The following IPCEF1 variants were observed in gnomAD, a reference collection of about 807,000 sequenced individuals.
IPCEF1 encodes the protein interaction protein for cytohesin exchange factors 1.
IPCEF1 carries 31 observed loss-of-function variants against 50.9 expected under a neutral mutation model. The ratio of observed to expected loss-of-function variants is 0.61; its 90% CI spans 0.46 to 0.82. The LOEUF (loss-of-function observed/expected upper bound fraction) is 0.82, where lower values mean the gene tolerates loss of function less well. IPCEF1 is among the 40% of genes least tolerant of loss of function. The probability of loss-of-function intolerance (pLI) is 0.00; values close to 1 mark genes in which losing one functional copy is unlikely to be tolerated. For synonymous variants in IPCEF1, 181 were observed against 192.0 expected, an observed-to-expected ratio of 0.94 and a Z score of 0.47; for missense variants, 458 against 514.0, an observed-to-expected ratio of 0.89 and a Z score of 1.05.
At chr6:154,238,398 G>A (rs1780308463) in intron 5 of IPCEF1, among the ~76,000 whole-genome samples, 1 of 151,986 alleles carries the variant, frequency 6.6e-6, no homozygotes, top group African/African-American at 2.4e-5. Flanking sequence ...TGGAATTACA[G>A]GCATGCACCA....
At chr6:154,313,902 C>A (rs1267991015) in intron 1 of IPCEF1, among the ~76,000 whole-genome samples, 1 of 152,004 alleles carries the variant, frequency 6.6e-6, no homozygotes, top group Non-Finnish European at 1.5e-5. Flanking sequence ...TGCCACCACA[C>A]CTGGCTAATT....
intron 2 of IPCEF1, among the ~76,000 whole-genome samples, chr6:154,271,437 C>T (rs1212376100): frequency 6.6e-6 from 1 of 151,542 alleles, no homozygotes; most frequent in African/African-American, 2.4e-5. Flanking sequence ...GAAAAGAAAA[C>T]AATGTAAAAT....
At chr6:154,253,606 C>CAT (rs1781389812) in intron 3 of IPCEF1, among the ~76,000 whole-genome samples, 1 of 152,296 alleles carries the variant, frequency 6.6e-6, no homozygotes, top group South Asian at 2.1e-4. Flanking sequence ...TTCCATTATT[C>CAT]ATATATGCAG....
At chr6:154,352,262 GT>G (rs1248722810) in intron 1 of IPCEF1, among the ~76,000 whole-genome samples, 1 of 152,216 alleles carries the variant, frequency 6.6e-6, no homozygotes, top group Non-Finnish European at 1.5e-5. Flanking sequence ...AATATCATTG[GT>G]TTTTTATTCA....
chr6:154,254,836 A>G (rs1781423263), intron 3 of IPCEF1, among the ~76,000 whole-genome samples: 1 of 152,022 alleles, frequency 6.6e-6, no homozygotes, highest in African/African-American at 2.4e-5. Flanking sequence ...AGGTGAGTTT[A>G]ATCTACTTAC....
intron 10 of IPCEF1, among the ~76,000 whole-genome samples, chr6:154,191,336 A>G (rs995187044): frequency 5.3e-5 from 8 of 152,146 alleles, no homozygotes; most frequent in Non-Finnish European, 1.0e-4. Flanking sequence ...ATGACGTTAT[A>G]CATTTGTCAA....
intron 2 of IPCEF1, among the ~76,000 whole-genome samples, chr6:154,276,926 G>T (rs1049410855): frequency 6.6e-6 from 1 of 152,200 alleles, no homozygotes; most frequent in Non-Finnish European, 1.5e-5. Context: ...AATTCAGAGG[G>T]ACCTTCGGTG....
intron 6 of IPCEF1, 97 bp from the exon 7 acceptor site, chr6:154,221,425 G>T: frequency 1.1e-6 from 1 of 896,354 alleles, no homozygotes. Flanking sequence ...TTGTAAACTT[G>T]TCTGCTTTCT....
chr6:154,225,049 G>T (rs542039720), intron 5 of IPCEF1, among the ~76,000 whole-genome samples: 69 of 152,244 alleles, frequency 4.5e-4, no homozygotes, highest in African/African-American at 1.6e-3. Context: ...TACAGACTGA[G>T]TATCCCTTAT....
At chr6:154,264,406 C>T (rs1309564767) in intron 3 of IPCEF1, among the ~76,000 whole-genome samples, 1 of 151,922 alleles carries the variant, frequency 6.6e-6, no homozygotes, top group Non-Finnish European at 1.5e-5. Flanking sequence ...TGGAGTAACC[C>T]TTTGTTGCCC....
At chr6:154,187,293 T>C (rs571211260) in intron 10 of IPCEF1, among the ~76,000 whole-genome samples, 1 of 152,228 alleles carries the variant, frequency 6.6e-6, no homozygotes, top group East Asian at 1.9e-4. Flanking sequence ...CTGCCTCTTG[T>C]AAAAAAAGCA....
intron 5 of IPCEF1, 53 bp from the exon 6 acceptor site, chr6:154,223,296 A>G (rs1030850800): frequency 2.3e-6 from 3 of 1,328,644 alleles, no homozygotes; most frequent in African/African-American, 1.4e-5. Context: ...CCTGGGGATT[A>G]GTGCATTGAG....
At chr6:154,273,473 G>A (rs1781949047) in intron 2 of IPCEF1, among the ~76,000 whole-genome samples, 1 of 152,050 alleles carries the variant, frequency 6.6e-6, no homozygotes, top group Non-Finnish European at 1.5e-5. Flanking sequence ...ATTCATCTTC[G>A]CTCACATATA....
At chr6:154,303,478 C>T (rs922850928) in intron 1 of IPCEF1, among the ~76,000 whole-genome samples, 4 of 152,152 alleles carry the variant, frequency 2.6e-5, no homozygotes, top group African/African-American at 9.7e-5. Context: ...TCTGCAAAAC[C>T]TCTCCAATTT....
chr6:154,262,634 T>C (rs2128652671), intron 3 of IPCEF1, among the ~76,000 whole-genome samples: 1 of 152,334 alleles, frequency 6.6e-6, no homozygotes, highest in South Asian at 2.1e-4. Flanking sequence ...GTTGGAAGAT[T>C]ACATCCTTTC....
At position 154,167,906 on chromosome 6, in the gene IPCEF1, T is replaced by C; in HGVS notation, c.1104+14A>G. 6.4e-7 allele frequency: 1 copy of C among 1,562,722 alleles called. No homozygotes were observed. The highest frequency in any genetic ancestry group is 1.2e-5 in the South Asian group (1 of 85,210). On this transcript the variant is annotated intron_variant, in intron 11 of 11. Transcript: ENST00000367220. Reference sequence around the variant, plus strand: ...ACATCCATAGAGTTCATCCACAATTTGAAATTTTGTTACCTTTAATGTGCT... The same window carrying C: ...ACATCCATAGAGTTCATCCACAATTCGAAATTTTGTTACCTTTAATGTGCT...
intron 3 of IPCEF1, among the ~76,000 whole-genome samples, chr6:154,250,966 G>C (rs1394569907): frequency 6.6e-6 from 1 of 152,096 alleles, no homozygotes; most frequent in African/African-American, 2.4e-5. Context: ...AGCCATACCA[G>C]ATCGGCACAG....
chr6:154,256,366 A>T (rs530080664), intron 3 of IPCEF1, among the ~76,000 whole-genome samples: 58 of 152,062 alleles, frequency 3.8e-4, no homozygotes, highest in Non-Finnish European at 7.1e-4. Context: ...TACATTGGGG[A>T]TTAGGGGTTC....
chr6:154,187,983 T>C (rs891494099), intron 10 of IPCEF1, among the ~76,000 whole-genome samples: 1 of 152,198 alleles, frequency 6.6e-6, no homozygotes, highest in Non-Finnish European at 1.5e-5. Context: ...AAAATGCCCA[T>C]GATTGCCATT....
Sources: gnomAD v4.1 joint callset for allele counts (sites outside exome capture counted in the v4.1 genomes callset) on GRCh38, gnomAD v4.1.1 for gene constraint, MANE v1.5 for transcripts, NCBI Gene and HGNC (gene_info 2026-07-23, HGNC 2026-07-21) for gene names.